MAP3K5: variants seen among roughly 807,000 people sequenced by gnomAD.
The protein encoded by MAP3K5 is mitogen-activated protein kinase kinase kinase 5.
Under a neutral mutation model 158.7 loss-of-function variants are expected in MAP3K5, and 56 were observed. The ratio of observed to expected loss-of-function variants is 0.35; its 90% CI spans 0.28 to 0.44. The LOEUF is 0.44. Ranked by LOEUF, MAP3K5 falls within the 20% of genes least tolerant of loss-of-function variation. The pLI, the probability that MAP3K5 is intolerant of heterozygous loss-of-function variation, is 1.00. For missense variants in MAP3K5, 1,294 were observed against 1,674.8 expected, an observed-to-expected ratio of 0.77 and a Z score of 3.97; for synonymous variants, 579 against 601.7, an observed-to-expected ratio of 0.96 and a Z score of 0.55.
In MAP3K5 at chr6:136,730,504, G is replaced by A. The variant is rs1329760326; in HGVS notation, c.449-9915C>T. Among the ~76,000 whole-genome samples the A allele has an allele frequency of 7.9e-5, 12 of 151,824 alleles. No homozygotes were observed. In the East Asian group the frequency reaches 1.7e-3, roughly 22 times the overall value. On this transcript the variant is annotated intron_variant, in intron 1 of 29. Coordinates refer to ENST00000359015, the MANE Select transcript of MAP3K5 (RefSeq NM_005923.4). ...TGGCAGGCAGAGGCGGGTAGATCAC[G>A]AGGTCAGGAGATCGAGACCATCCTG... is the stretch of plus-strand genomic sequence containing the variant.
chr6:136,675,602 G>A (rs546727768), intron 7 of MAP3K5, among the ~76,000 whole-genome samples: 43 of 152,082 alleles, frequency 2.8e-4, no homozygotes, highest in African/African-American at 1.0e-3. Context: ...TATATATAAG[G>A]TAATGAAAGT....
chr6:136,611,415 T>C, intron 17 of MAP3K5, 28 bp from the exon 18 acceptor site: 1 of 1,297,914 alleles, frequency 7.7e-7, no homozygotes. Context: ...TTAATCACAA[T>C]TGTTATCTTT....
intron 2 of MAP3K5, among the ~76,000 whole-genome samples, chr6:136,706,420 C>G (rs562154557): frequency 2.6e-5 from 4 of 152,264 alleles, no homozygotes; most frequent in African/African-American, 9.6e-5. Context: ...ATTCCTATAC[C>G]TCACCATGAC....
chr6:136,690,239 T>C (rs1005381899), intron 7 of MAP3K5, among the ~76,000 whole-genome samples: 2 of 152,204 alleles, frequency 1.3e-5, no homozygotes, highest in African/African-American at 4.8e-5. Context: ...TCTCTATGAC[T>C]GTTTTTAAAC....
intron 15 of MAP3K5, 120 bp from the exon 16 acceptor site, chr6:136,614,406 C>T: frequency 8.7e-6 from 9 of 1,031,400 alleles, no homozygotes; most frequent in Non-Finnish European, 1.3e-5. Context: ...CCAAAACAAC[C>T]ACTTAAGGCC....
intron 24 of MAP3K5, among the ~76,000 whole-genome samples, chr6:136,582,211 C>G (rs915030642): frequency 6.6e-6 from 1 of 151,904 alleles, no homozygotes; most frequent in Non-Finnish European, 1.5e-5. Context: ...CATTCTCATC[C>G]TGGACAGTGA....
At chr6:136,625,529 G>A (rs1776993297) in intron 14 of MAP3K5, among the ~76,000 whole-genome samples, 1 of 152,146 alleles carries the variant, frequency 6.6e-6, no homozygotes, top group Non-Finnish European at 1.5e-5. Flanking sequence ...ACTGAGCTCT[G>A]GAGGAGCAAA....
intron 1 of MAP3K5, among the ~76,000 whole-genome samples, chr6:136,752,488 T>C (rs1034427862): frequency 2.6e-5 from 4 of 152,220 alleles, no homozygotes; most frequent in African/African-American, 4.8e-5. Flanking sequence ...CTTGGCTCAC[T>C]GCAACCTCCA....
intron 1 of MAP3K5, among the ~76,000 whole-genome samples, chr6:136,724,820 T>C (rs1417601675): frequency 6.6e-6 from 1 of 152,178 alleles, no homozygotes. Flanking sequence ...TCTCTTTGTC[T>C]CTGATGTACA....
At chr6:136,612,459 C>T (rs945172908) in intron 17 of MAP3K5, among the ~76,000 whole-genome samples, 1 of 152,054 alleles carries the variant, frequency 6.6e-6, no homozygotes, top group African/African-American at 2.4e-5. Flanking sequence ...ACTTTCTTTT[C>T]TATGTTTCTT....
At chr6:136,775,454 C>G (rs1405047578) in intron 1 of MAP3K5, among the ~76,000 whole-genome samples, 1 of 152,202 alleles carries the variant, frequency 6.6e-6, no homozygotes, top group Non-Finnish European at 1.5e-5. Context: ...AAACTGAAAG[C>G]AGATGAGAGT....
chr6:136,710,086 T>G (rs945833559), intron 2 of MAP3K5, among the ~76,000 whole-genome samples: 4 of 152,354 alleles, frequency 2.6e-5, no homozygotes, highest in Admixed American at 1.3e-4. Context: ...GCATCAACTT[T>G]AATGGAGCAA....
intron 3 of MAP3K5, among the ~76,000 whole-genome samples, chr6:136,700,771 G>A (rs1256594234): frequency 6.6e-6 from 1 of 152,056 alleles, no homozygotes; most frequent in Admixed American, 6.6e-5. Flanking sequence ...TATTGGATAT[G>A]GTAGAATCAA....
At chr6:136,588,935 G>T (rs1393452812) in intron 23 of MAP3K5, among the ~76,000 whole-genome samples, 2 of 152,182 alleles carry the variant, frequency 1.3e-5, no homozygotes, top group Non-Finnish European at 1.5e-5. Flanking sequence ...CCAAGTCAAG[G>T]TTTTTGAGAG....
intron 1 of MAP3K5, among the ~76,000 whole-genome samples, chr6:136,741,265 G>A (rs183347208): frequency 6.6e-6 from 1 of 151,942 alleles, no homozygotes; most frequent in Non-Finnish European, 1.5e-5. Context: ...TAACCATTTT[G>A]GTATTTCACT....
chr6:136,727,197 TAAAC>T (rs1466567827), intron 1 of MAP3K5, among the ~76,000 whole-genome samples: 2 of 152,180 alleles, frequency 1.3e-5, no homozygotes, highest in African/African-American at 2.4e-5. Context: ...TATAATAAAT[TAAAC>T]AAACACTTGA....
rs116882545 is a variant in MAP3K5 at position 136,621,189 on chromosome 6, G to A, written c.2150+1659C>T. 4.5e-4 allele frequency among the ~76,000 whole-genome samples: 68 copies of A among 151,894 alleles called. No homozygotes were observed. In the East Asian group the frequency reaches 0.013, roughly 29 times the overall value. ...TTCTACTGATATATTCCGAAACTCA[G>A]AGATTCTTTAACTGTGCCCAGTCTA... On this transcript the variant is annotated intron_variant, in intron 15 of 29. Transcript: ENST00000359015.
chr6:136,755,465 GGGAGGCCCAGGCA>G (rs1467616621), intron 1 of MAP3K5, among the ~76,000 whole-genome samples: 2 of 152,146 alleles, frequency 1.3e-5, no homozygotes, highest in Admixed American at 1.3e-4. Flanking sequence ...CTAGCACTTT[GGGAGGCCCAGGCA>G]GGAGGACCGC....
chr6:136,629,768 TTTATTTA>T (rs1777241145), intron 14 of MAP3K5, among the ~76,000 whole-genome samples: 8 of 19,552 alleles, frequency 4.1e-4, no homozygotes, highest in South Asian at 3.1e-3. Context: ...CTCACCTTCA[TTTATTTA>T]TTTATTTATT....
Sources: allele counts gnomAD v4.1 joint callset (sites outside exome capture counted in the v4.1 genomes callset), GRCh38; gene constraint gnomAD v4.1.1; transcripts MANE v1.5; gene names NCBI Gene and HGNC (gene_info 2026-07-23, HGNC 2026-07-21).